KHDRBS2: variants seen among roughly 807,000 people sequenced by gnomAD.
The protein encoded by KHDRBS2 is KH domain-containing, RNA-binding, signal transduction-associated protein 2.
A neutral mutation model predicts 44.3 loss-of-function variants in KHDRBS2; 26 were observed. That is an observed-to-expected ratio of 0.59 (90% CI 0.43 to 0.81). KHDRBS2 has a LOEUF of 0.81. Among genes scored for constraint, KHDRBS2 ranks in the 40% least tolerant of loss-of-function variants. KHDRBS2 has a pLI of 0.00. For missense variants in KHDRBS2, 476 were observed against 433.1 expected (o/e 1.10, Z -0.88); for synonymous variants, 194 against 151.1 (o/e 1.28, Z -2.08).
At chr6:62,006,315 G>T (rs1261261317) in intron 3 of KHDRBS2, among the ~76,000 whole-genome samples, 1 of 151,962 alleles carries the variant, frequency 6.6e-6, no homozygotes, top group Admixed American at 6.6e-5. Context: ...CCAATCTAAA[G>T]TTATATATGC....
the KHDRBS2 span, among the ~76,000 whole-genome samples, chr6:61,576,423 T>C: frequency 4.6e-4 from 70 of 152,272 alleles, no homozygotes; most frequent in African/African-American, 1.6e-3. Context: ...AGATTTTGTA[T>C]GCTGAAACTT....
chr6:62,258,830 G>A (rs1278801981), intron 1 of KHDRBS2, among the ~76,000 whole-genome samples: 3 of 151,984 alleles, frequency 2.0e-5, no homozygotes, highest in African/African-American at 7.2e-5. Context: ...TCCTATTGGT[G>A]ACCCTTGGGA....
chr6:61,914,618 C>A (rs1806658347), intron 4 of KHDRBS2, among the ~76,000 whole-genome samples: 1 of 152,002 alleles, frequency 6.6e-6, no homozygotes, highest in Admixed American at 6.6e-5. Flanking sequence ...TGTAAGAAAC[C>A]TGCACGTTGT....
chr6:61,542,677 T>A, the KHDRBS2 span, among the ~76,000 whole-genome samples: 1 of 152,028 alleles, frequency 6.6e-6, no homozygotes, highest in Non-Finnish European at 1.5e-5. Flanking sequence ...ATATTGTGCT[T>A]ATTTCAAGAT....
intron 2 of KHDRBS2, among the ~76,000 whole-genome samples, chr6:62,106,505 G>A (rs1394297004): frequency 2.0e-5 from 3 of 152,042 alleles, no homozygotes; most frequent in African/African-American, 7.2e-5. Flanking sequence ...AGCTATTCTT[G>A]GTGAATTGAT....
the KHDRBS2 span, among the ~76,000 whole-genome samples, chr6:61,621,477 T>TG: frequency 6.6e-6 from 1 of 152,146 alleles, no homozygotes; most frequent in African/African-American, 2.4e-5. Context: ...CTGACACAGC[T>TG]GAGTAGCAGG....
chr6:61,919,402 A>G (rs1267264017), intron 4 of KHDRBS2, among the ~76,000 whole-genome samples: 1 of 151,882 alleles, frequency 6.6e-6, no homozygotes, highest in African/African-American at 2.4e-5. Flanking sequence ...TGGGCAATAA[A>G]TGACAGTATA....
chr6:61,801,665 A>G (rs1239015854), intron 6 of KHDRBS2, among the ~76,000 whole-genome samples: 2 of 152,310 alleles, frequency 1.3e-5, no homozygotes, highest in East Asian at 3.9e-4. Flanking sequence ...TGATGATGAT[A>G]GCAAACAAAA....
chr6:61,736,482 T>C (rs1046583298), intron 6 of KHDRBS2, among the ~76,000 whole-genome samples: 1 of 152,062 alleles, frequency 6.6e-6, no homozygotes, highest in Non-Finnish European at 1.5e-5. Context: ...TTTTTAGGAA[T>C]CGGGCTTTTG....
At chr6:61,626,972 G>T in the KHDRBS2 span, among the ~76,000 whole-genome samples, 1 of 151,960 alleles carries the variant, frequency 6.6e-6, no homozygotes, top group African/African-American at 2.4e-5. Context: ...ATTTGGCTGG[G>T]GCCGGGCGCG....
At chr6:62,115,328 C>A (rs1428475135) in intron 2 of KHDRBS2, among the ~76,000 whole-genome samples, 5 of 152,134 alleles carry the variant, frequency 3.3e-5, no homozygotes, top group African/African-American at 1.2e-4. Context: ...GACCAGCTCA[C>A]CCCAGGCTGA....
intron 3 of KHDRBS2, among the ~76,000 whole-genome samples, chr6:61,991,247 T>G (rs533803826): frequency 6.6e-6 from 1 of 152,284 alleles, no homozygotes; most frequent in South Asian, 2.1e-4. Flanking sequence ...TAGTGAGAAA[T>G]TAAAATGCTT....
intron 6 of KHDRBS2, among the ~76,000 whole-genome samples, chr6:61,742,648 G>C (rs910098597): frequency 2.0e-5 from 3 of 151,880 alleles, no homozygotes; most frequent in Non-Finnish European, 2.9e-5. Flanking sequence ...GGATGATATG[G>C]CAATGGTTAC....
chr6:61,901,332 A>G lies in KHDRBS2; in HGVS notation c.523T>C (p.Leu175=), dbSNP rs1198735091. The G allele has an allele frequency of 1.1e-5, 18 of 1,613,272 alleles. No homozygotes were observed. Among genetic ancestry groups the G allele is most frequent in the Non-Finnish European group, 1.5e-5 (18 of 1,179,498 alleles). ...DEIRQEQLRE[L]SYLNGSEDSG... is the part of the protein sequence containing the mutation. ...TCCTCTGAGCCATTTAAGTAAGATAATTCACGTAGTTGTTCCTGACGAATT... is the reference window on the plus strand; with the variant it reads ...TCCTCTGAGCCATTTAAGTAAGATAGTTCACGTAGTTGTTCCTGACGAATT... Residue 175 remains leucine, a synonymous_variant, in exon 5 of 9, where the codon TTA becomes CTA. Transcript: ENST00000281156.
chr6:62,058,594 A>T (rs1790861913), intron 2 of KHDRBS2, among the ~76,000 whole-genome samples: 2 of 151,936 alleles, frequency 1.3e-5, no homozygotes, highest in Admixed American at 1.3e-4. Flanking sequence ...TTCTTCTTGT[A>T]TAAATAGAGA....
At chr6:61,737,901 GT>G (rs1206930941) in intron 6 of KHDRBS2, among the ~76,000 whole-genome samples, 2 of 151,858 alleles carry the variant, frequency 1.3e-5, no homozygotes, top group African/African-American at 4.8e-5. Flanking sequence ...TATTTACGTG[GT>G]TTTTTTAAGT....
chr6:62,218,510 CAGAT>C (rs1830382467), intron 1 of KHDRBS2, among the ~76,000 whole-genome samples: 1 of 151,622 alleles, frequency 6.6e-6, no homozygotes, highest in African/African-American at 2.4e-5. Flanking sequence ...CAGAAAAAGA[CAGAT>C]ATCAAATATG....
intron 2 of KHDRBS2, among the ~76,000 whole-genome samples, chr6:62,144,744 G>A (rs1293712694): frequency 4.6e-5 from 7 of 151,868 alleles, no homozygotes; most frequent in Non-Finnish European, 5.9e-5. Context: ...AAGTACAGTG[G>A]AAAGAATATC....
At chr6:61,907,015 C>T (rs1805161510) in intron 4 of KHDRBS2, among the ~76,000 whole-genome samples, 1 of 151,962 alleles carries the variant, frequency 6.6e-6, no homozygotes, top group African/African-American at 2.4e-5. Flanking sequence ...TACAAATTTA[C>T]ATTCCCACCA....
Sources: gnomAD v4.1 joint callset for allele counts (sites outside exome capture counted in the v4.1 genomes callset) on GRCh38, gnomAD v4.1.1 for gene constraint, MANE v1.5 for transcripts, NCBI Gene and HGNC (gene_info 2026-07-23, HGNC 2026-07-21) for gene names.